Variants in NOS1AP observed in about 807,000 individuals in gnomAD.
The protein encoded by NOS1AP is carboxyl-terminal PDZ ligand of neuronal nitric oxide synthase protein.
Under a neutral mutation model 56.2 loss-of-function variants are expected in NOS1AP, and 21 were observed. The ratio of observed to expected loss-of-function variants is 0.37; its 90% CI spans 0.26 to 0.54. The LOEUF (loss-of-function observed/expected upper bound fraction) is 0.54, where lower values mean the gene tolerates loss of function less well. NOS1AP is among the 20% of genes least tolerant of loss of function. The probability of loss-of-function intolerance (pLI) is 0.84; values close to 1 mark genes in which losing one functional copy is unlikely to be tolerated. For missense variants in NOS1AP, 522 were observed against 657.8 expected, an observed-to-expected ratio of 0.79 and a Z score of 2.26; for synonymous variants, 270 against 274.6, an observed-to-expected ratio of 0.98 and a Z score of 0.17.
rs57313228 is a variant in NOS1AP, at chr1:162,251,869, G to GTTT, written c.178-35457_178-35455dup. ...CACCTAGCTAGTTGTTTTTTTTTTT[G>GTTT]TTTTTTTTTTTTTTTTTTTTGTGGA... is the stretch of plus-strand genomic sequence containing the variant. On this transcript the variant is annotated intron_variant, in intron 2 of 9. Transcript: ENST00000361897. Among the ~76,000 whole-genome samples, 275 of 82,132 alleles carry GTTT rather than the reference G, an allele frequency of 3.3e-3. 13 individuals are homozygous for GTTT. Among genetic ancestry groups the GTTT allele is most frequent in the Non-Finnish European group, 4.4e-3 (206 of 46,334 alleles). The allele number at this position is 82,132 out of a possible 152,430, so 53.9% of individuals were successfully genotyped here.
intron 6 of NOS1AP, among the ~76,000 whole-genome samples, chr1:162,344,900 A>T (rs1337602868): frequency 6.6e-6 from 1 of 152,186 alleles, no homozygotes; most frequent in Non-Finnish European, 1.5e-5. Flanking sequence ...ATACAGCTAT[A>T]TTTGTGATTT....
At chr1:162,075,576 A>G (rs958930553) in intron 1 of NOS1AP, among the ~76,000 whole-genome samples, 1 of 152,190 alleles carries the variant, frequency 6.6e-6, no homozygotes, top group African/African-American at 2.4e-5. Flanking sequence ...CCATTCCACT[A>G]TACACTGGGT....
chr1:162,198,081 T>C (rs1651867430), intron 2 of NOS1AP, among the ~76,000 whole-genome samples: 1 of 152,192 alleles, frequency 6.6e-6, no homozygotes, highest in African/African-American at 2.4e-5. Flanking sequence ...TCCTCAGGGT[T>C]TGACCTGGAA....
At chr1:162,183,045 A>T (rs968557412) in intron 2 of NOS1AP, among the ~76,000 whole-genome samples, 3 of 152,226 alleles carry the variant, frequency 2.0e-5, no homozygotes, top group Non-Finnish European at 4.4e-5. Flanking sequence ...GTCACTATCT[A>T]TGGCAGCTGT....
chr1:162,344,970 TAA>T (rs1657228410), intron 6 of NOS1AP, among the ~76,000 whole-genome samples: 1 of 151,636 alleles, frequency 6.6e-6, no homozygotes, highest in South Asian at 2.1e-4. Context: ...TCCATTAAAA[TAA>T]CAATTAAAAA....
chr1:162,114,968 C>G (rs941807714), intron 1 of NOS1AP, among the ~76,000 whole-genome samples: 1 of 152,194 alleles, frequency 6.6e-6, no homozygotes, highest in Non-Finnish European at 1.5e-5. Context: ...GACTGATATC[C>G]ATGAGTTAAC....
intron 1 of NOS1AP, among the ~76,000 whole-genome samples, chr1:162,088,477 C>A (rs1304502956): frequency 6.6e-6 from 1 of 152,128 alleles, no homozygotes; most frequent in Non-Finnish European, 1.5e-5. Flanking sequence ...CATTTGTGAG[C>A]AGAACTGGGT....
At position 162,131,927 on chromosome 1, in the gene NOS1AP, G is replaced by T. The variant is rs571176186; in HGVS notation, c.106-22478G>T. Among the ~76,000 whole-genome samples, 128 of 152,322 alleles carry T rather than the reference G, an allele frequency of 8.4e-4. 5 individuals carry two copies. In the South Asian group the frequency reaches 0.026, roughly 31 times the overall value. On this transcript the variant is annotated intron_variant, in intron 1 of 9. Transcript: ENST00000361897. ...TAGGCCTCTTAACTGTGAAACAGAGGTAGCAACCTTGTTTGCTTATTTAAT... is the reference window on the plus strand; with the variant it reads ...TAGGCCTCTTAACTGTGAAACAGAGTTAGCAACCTTGTTTGCTTATTTAAT...
chr1:162,100,773 T>G (rs2102031139), intron 1 of NOS1AP, among the ~76,000 whole-genome samples: 1 of 152,324 alleles, frequency 6.6e-6, no homozygotes, highest in East Asian at 1.9e-4. Context: ...GGTCACTTTT[T>G]AATTAGGTCA....
At chr1:162,141,770 C>T (rs975670028) in intron 1 of NOS1AP, among the ~76,000 whole-genome samples, 2 of 152,128 alleles carry the variant, frequency 1.3e-5, no homozygotes, top group African/African-American at 4.8e-5. Flanking sequence ...TCTGAAAAAT[C>T]ATTGCAAAAA....
At chr1:162,334,360 T>C (rs368933046) in intron 5 of NOS1AP, among the ~76,000 whole-genome samples, 8 of 152,054 alleles carry the variant, frequency 5.3e-5, no homozygotes, top group East Asian at 3.9e-4. Flanking sequence ...ATAGTATAGC[T>C]GAGAGGGAAA....
At chr1:162,331,656 C>A (rs347303) in intron 4 of NOS1AP, among the ~76,000 whole-genome samples, 90,363 of 152,092 alleles carry the variant, frequency 0.59, 27,160 homozygotes, top group Middle Eastern at 0.7. Flanking sequence ...GACCTGTTAA[C>A]TCCTTGAATG....
intron 1 of NOS1AP, among the ~76,000 whole-genome samples, chr1:162,120,314 T>C (rs1006366603): frequency 9.8e-5 from 15 of 152,302 alleles, no homozygotes; most frequent in African/African-American, 3.1e-4. Flanking sequence ...GTGCTCACAA[T>C]TGAGGAATTT....
chr1:162,273,330 ATT>A (rs369362002), intron 2 of NOS1AP, among the ~76,000 whole-genome samples: 1 of 151,390 alleles, frequency 6.6e-6, no homozygotes, highest in African/African-American at 2.4e-5. Flanking sequence ...CACCCGGCTA[ATT>A]TTTTTTGTAT....
At chr1:162,190,762 C>G (rs1385909877) in intron 2 of NOS1AP, among the ~76,000 whole-genome samples, 1 of 150,532 alleles carries the variant, frequency 6.6e-6, no homozygotes, top group Non-Finnish European at 1.5e-5. Flanking sequence ...TTACCCTCTT[C>G]CCCCTACCCT....
intron 2 of NOS1AP, among the ~76,000 whole-genome samples, chr1:162,260,917 G>A (rs185728464): frequency 1.3e-4 from 20 of 151,960 alleles, no homozygotes; most frequent in African/African-American, 2.4e-5. Context: ...TAATTATGTA[G>A]TTTATATATT....
chr1:162,362,035 G>T (rs1413264382), intron 8 of NOS1AP, among the ~76,000 whole-genome samples: 1 of 152,226 alleles, frequency 6.6e-6, no homozygotes, highest in African/African-American at 2.4e-5. Flanking sequence ...AGAAACTGAG[G>T]TCCAGAGAGA....
intron 5 of NOS1AP, among the ~76,000 whole-genome samples, chr1:162,343,042 C>T (rs1034690710): frequency 4.6e-5 from 7 of 152,180 alleles, no homozygotes; most frequent in African/African-American, 1.7e-4. Flanking sequence ...CAGTTATCCA[C>T]CTTTGAGGCC....
intron 4 of NOS1AP, among the ~76,000 whole-genome samples, chr1:162,322,071 T>G (rs1656441144): frequency 6.6e-6 from 1 of 151,876 alleles, no homozygotes; most frequent in Non-Finnish European, 1.5e-5. Flanking sequence ...AATAAAATAA[T>G]TTCTAAAAAA....
Sources: allele counts gnomAD v4.1 joint callset (sites outside exome capture counted in the v4.1 genomes callset), GRCh38; gene constraint gnomAD v4.1.1; transcripts MANE v1.5; gene names NCBI Gene and HGNC (gene_info 2026-07-23, HGNC 2026-07-21).